Variants in CORIN observed in about 807,000 individuals in gnomAD.
CORIN encodes the protein atrial natriuretic peptide-converting enzyme.
CORIN carries 117 observed loss-of-function variants against 125.3 expected under a neutral mutation model. The ratio of observed to expected loss-of-function variants is 0.93; its 90% CI spans 0.80 to 1.09. The LOEUF (loss-of-function observed/expected upper bound fraction) is 1.09. Ranked by LOEUF, CORIN falls within the 50% of genes least tolerant of loss-of-function variation. The pLI, the probability that CORIN is intolerant of heterozygous loss-of-function variation, is 0.00. For missense variants in CORIN, 1,253 were observed against 1,306.7 expected, an observed-to-expected ratio of 0.96 and a Z score of 0.63; for synonymous variants, 450 against 466.4, an observed-to-expected ratio of 0.96 and a Z score of 0.45.
At chr4:47,663,657 C>T (rs1282923878) in intron 11 of CORIN, among the ~76,000 whole-genome samples, 1 of 152,052 alleles carries the variant, frequency 6.6e-6, no homozygotes, top group Non-Finnish European at 1.5e-5. Context: ...GAAAATGCTG[C>T]TTCAGGGAAA....
Position 47,631,177 on chromosome 4 carries a change from A to G in CORIN, c.2199-4656T>C, listed in dbSNP as rs537372916. ...ACCCACTAGCAAGTAAGACCCCATC[A>G]ACCCTGGATTTACAATTTAAAAAAT... On this transcript the variant is annotated intron_variant, in intron 16 of 21. Transcript: ENST00000273857. 2.0e-5 allele frequency among the ~76,000 whole-genome samples: 3 copies of G among 152,258 alleles called. No individual in the cohort carries two copies. In the East Asian group the frequency reaches 5.8e-4, roughly 29 times the overall value.
rs946937211 is a variant in CORIN, at chr4:47,780,169, TA to T, written c.409+6555del. ...ATTCTTGGATGGGAAAGATATTTTG[TA>T]AAAAAAAAAAAGTAATAAAAACAAT... On this transcript the variant is annotated intron_variant, in intron 3 of 21. Transcript: ENST00000273857. Among the ~76,000 whole-genome samples the T allele has an allele frequency of 9.2e-3, 1,327 of 143,654 alleles. 14 individuals are homozygous for T. The highest frequency in any genetic ancestry group is 0.027 in the African/African-American group (1,086 of 39,548). The allele number at this position is 143,654 out of a possible 152,430, so 94.2% of individuals were successfully genotyped here.
intron 1 of CORIN, among the ~76,000 whole-genome samples, chr4:47,836,661 T>C (rs537179774): frequency 7.2e-5 from 11 of 152,310 alleles, no homozygotes; most frequent in African/African-American, 2.4e-4. Flanking sequence ...CTCGAACAGC[T>C]TCCCTGGGAA....
intron 10 of CORIN, among the ~76,000 whole-genome samples, chr4:47,671,262 C>T (rs1245194565): frequency 1.3e-5 from 2 of 152,094 alleles, no homozygotes; most frequent in African/African-American, 4.8e-5. Context: ...ACAAGAATCC[C>T]GGCAACTCCA....
chr4:47,595,981 A>G, intron 21 of CORIN, 78 bp from the exon 22 acceptor site: 1 of 1,208,118 alleles, frequency 8.3e-7, no homozygotes, highest in African/African-American at 1.5e-5. Flanking sequence ...TGAGGATACT[A>G]TAAAGCTAAA....
chr4:47,703,077 TC>T (rs1726383777), intron 5 of CORIN, among the ~76,000 whole-genome samples: 1 of 152,178 alleles, frequency 6.6e-6, no homozygotes, highest in Admixed American at 6.5e-5. Context: ...AATCCACTGA[TC>T]TTCAGGATAT....
At chr4:47,722,518 A>G (rs1448004074) in intron 5 of CORIN, among the ~76,000 whole-genome samples, 1 of 152,220 alleles carries the variant, frequency 6.6e-6, no homozygotes, top group African/African-American at 2.4e-5. Context: ...AATTTAAAAT[A>G]TCTTCCATCT....
intron 1 of CORIN, among the ~76,000 whole-genome samples, chr4:47,818,644 G>A (rs1172721350): frequency 6.6e-6 from 1 of 152,126 alleles, no homozygotes; most frequent in African/African-American, 2.4e-5. Flanking sequence ...GCCAAGGAAT[G>A]TGGATCACTT....
chr4:47,833,679 A>G (rs887786735), intron 1 of CORIN, among the ~76,000 whole-genome samples: 6 of 152,212 alleles, frequency 3.9e-5, no homozygotes, highest in African/African-American at 7.2e-5. Context: ...TTAATATCCA[A>G]CATATATAAG....
chr4:47,670,380 A>G (rs1724693526), intron 10 of CORIN, among the ~76,000 whole-genome samples: 1 of 152,186 alleles, frequency 6.6e-6, no homozygotes, highest in Admixed American at 6.5e-5. Context: ...CCTCTCTTCT[A>G]CTATTTGCTC....
intron 19 of CORIN, among the ~76,000 whole-genome samples, chr4:47,615,804 T>A (rs1722049451): frequency 6.6e-6 from 1 of 151,906 alleles, no homozygotes; most frequent in Non-Finnish European, 1.5e-5. Context: ...GATACTTTGT[T>A]ATGGCAGCCC....
At chr4:47,779,003 T>A (rs114834437) in intron 3 of CORIN, among the ~76,000 whole-genome samples, 2 of 152,152 alleles carry the variant, frequency 1.3e-5, no homozygotes, top group African/African-American at 4.8e-5. Context: ...TGAACTTGTA[T>A]GGGGAAAAAA....
chr4:47,721,554 C>T (rs1308310518), intron 5 of CORIN, among the ~76,000 whole-genome samples: 1 of 152,208 alleles, frequency 6.6e-6, no homozygotes, highest in Non-Finnish European at 1.5e-5. Flanking sequence ...CAGGCGTGAG[C>T]CACTGCACCC....
At chr4:47,754,984 T>C (rs972041397) in intron 4 of CORIN, among the ~76,000 whole-genome samples, 1 of 152,212 alleles carries the variant, frequency 6.6e-6, no homozygotes, top group Non-Finnish European at 1.5e-5. Context: ...ATTTTCTTCA[T>C]CTTGTTTCAT....
rs577848408 is a variant in CORIN at position 47,618,424 on chromosome 4, C to T, written c.2540+5147G>A. ...GTGATCTTGACTTTGGAGGCCTGCC[C>T]AGTGTGTTGGAAAAATCTAGGGAGG... is the stretch of plus-strand genomic sequence containing the variant. On this transcript the variant is annotated intron_variant, in intron 19 of 21. Transcript: ENST00000273857. Among the ~76,000 whole-genome samples the T allele has an allele frequency of 2.0e-5, 3 of 151,624 alleles. No homozygotes were observed. In the South Asian group the frequency reaches 6.3e-4, roughly 32 times the overall value.
At chr4:47,630,998 C>T (rs1722782206) in intron 16 of CORIN, among the ~76,000 whole-genome samples, 1 of 152,164 alleles carries the variant, frequency 6.6e-6, no homozygotes, top group South Asian at 2.1e-4. Context: ...AGAGTCCTTA[C>T]CCCATGGGGT....
intron 4 of CORIN, among the ~76,000 whole-genome samples, chr4:47,759,559 A>G (rs1297359995): frequency 6.6e-6 from 1 of 152,216 alleles, no homozygotes; most frequent in Admixed American, 6.5e-5. Flanking sequence ...AAAAAACCTG[A>G]ATAGACATTT....
At chr4:47,787,906 A>G (rs556469280) in intron 2 of CORIN, among the ~76,000 whole-genome samples, 15 of 152,356 alleles carry the variant, frequency 9.8e-5, no homozygotes, top group South Asian at 4.1e-4. Context: ...TTCCATACTC[A>G]TTAAACTAAG....
intron 4 of CORIN, among the ~76,000 whole-genome samples, chr4:47,758,595 T>C (rs552951922): frequency 3.9e-5 from 6 of 152,244 alleles, no homozygotes; most frequent in African/African-American, 1.4e-4. Flanking sequence ...CATAATGATA[T>C]GGTTTAGCTG....
Sources: gnomAD v4.1 joint callset for allele counts (sites outside exome capture counted in the v4.1 genomes callset) on GRCh38, gnomAD v4.1.1 for gene constraint, MANE v1.5 for transcripts, NCBI Gene and HGNC (gene_info 2026-07-23, HGNC 2026-07-21) for gene names.